The following CCT6B variants were observed in gnomAD, a reference collection of about 807,000 sequenced individuals.
CCT6B encodes probable T-complex protein 1 subunit zeta-2.
A neutral mutation model predicts 61.5 loss-of-function variants in CCT6B; 49 were observed. The ratio of observed to expected loss-of-function variants is 0.80; its 90% CI spans 0.63 to 1.01. CCT6B has a LOEUF of 1.01. Ranked by LOEUF, CCT6B falls within the 50% of genes least tolerant of loss-of-function variation. The pLI is 0.00. For missense variants in CCT6B, 666 were observed against 634.7 expected (o/e 1.05, Z -0.53); for synonymous variants, 228 against 214.5 (o/e 1.06, Z -0.55).
chr17:34,942,479 C>A lies in CCT6B; in HGVS notation c.885+5G>T. The A allele has an allele frequency of 6.3e-7, 1 of 1,582,576 alleles. No homozygotes were observed. The highest frequency in any genetic ancestry group is 8.5e-7 in the Non-Finnish European group (1 of 1,170,272). ...AATAACTAAAATCTAAACTTTCTTT[C>A]TCACCTTTTGATTAATGACGACAAA... On this transcript the variant is annotated splice_donor_5th_base_variant and intron_variant, in intron 7 of 13. Coordinates refer to ENST00000314144, the MANE Select transcript of CCT6B (RefSeq NM_006584.4).
intron 7 of CCT6B, among the ~76,000 whole-genome samples, chr17:34,941,624 T>G (rs1278691380): frequency 6.6e-6 from 1 of 152,202 alleles, no homozygotes; most frequent in Non-Finnish European, 1.5e-5. Flanking sequence ...CAAATACCCA[T>G]ATCTAGATAA....
intron 7 of CCT6B, 24 bp from the exon 8 acceptor site, chr17:34,940,645 T>C (rs752992674): frequency 1.5e-5 from 19 of 1,246,842 alleles, no homozygotes; most frequent in Non-Finnish European, 2.2e-5. Flanking sequence ...AACATAAAAA[T>C]TATAAACATG....
intron 12 of CCT6B, 26 bp downstream of exon 12, chr17:34,930,923 C>A (rs765900797): frequency 2.6e-6 from 3 of 1,158,950 alleles, no homozygotes; most frequent in Non-Finnish European, 3.9e-6. Flanking sequence ...CTTTATTAAG[C>A]AGCTAATTTT....
chr17:34,929,549 T>C (rs1468372075), intron 12 of CCT6B, among the ~76,000 whole-genome samples: 1 of 151,190 alleles, frequency 6.6e-6, no homozygotes, highest in African/African-American at 2.4e-5. Flanking sequence ...GATCTTGCTC[T>C]GTCACTCAGG....
At chr17:34,941,203 T>C (rs2090160308) in intron 7 of CCT6B, among the ~76,000 whole-genome samples, 1 of 152,232 alleles carries the variant, frequency 6.6e-6, no homozygotes, top group African/African-American at 2.4e-5. Context: ...CTATCTCACA[T>C]TAAAACACAT....
intron 10 of CCT6B, 53 bp downstream of exon 10, chr17:34,939,128 TAC>T: frequency 1.5e-6 from 2 of 1,309,394 alleles, no homozygotes; most frequent in African/African-American, 1.5e-5. Flanking sequence ...TATATATATA[TAC>T]ATATATACAC....
chr17:34,959,562 AT>A, intron 2 of CCT6B, 24 bp downstream of exon 2: 1 of 1,581,232 alleles, frequency 6.3e-7, no homozygotes, highest in Non-Finnish European at 8.7e-7. Context: ...ATTAAGGTTT[AT>A]TAAAGTCAGC....
chr17:34,942,870 A>G lies in CCT6B; in HGVS notation c.651T>C (p.Arg217=). 1 of 1,610,518 alleles carries G rather than the reference A, an allele frequency of 6.2e-7. No homozygotes were observed. Among genetic ancestry groups the G allele is most frequent in the Non-Finnish European group, 8.5e-7 (1 of 1,177,898 alleles). Residue 217 remains arginine (R), a synonymous_variant, in exon 6 of 14, where the codon CGT becomes CGC. Coordinates refer to ENST00000314144, the MANE Select transcript of CCT6B (RefSeq NM_006584.4). ...CTACTCGCTTCTTCATATCTGGATG[A>G]CGGGCACCATGATCCAAAACTAATC... ...IQGLVLDHGA[R]HPDMKKRVED...
intron 10 of CCT6B, among the ~76,000 whole-genome samples, chr17:34,938,641 G>A (rs979186488): frequency 1.3e-5 from 2 of 151,856 alleles, no homozygotes; most frequent in Admixed American, 1.3e-4. Context: ...CAAGACAAGT[G>A]GATCCCTTGA....
intron 1 of CCT6B, among the ~76,000 whole-genome samples, 187 bp downstream of exon 1, chr17:34,961,070 C>T (rs1381775108): frequency 6.6e-6 from 1 of 152,150 alleles, no homozygotes; most frequent in Non-Finnish European, 1.5e-5. Context: ...CTCCCGGGGC[C>T]CTCTACTAGG....
In CCT6B at chr17:34,932,357, G is replaced by A. The variant is rs777140128; in HGVS notation, c.1347+10C>T. On this transcript the variant is annotated intron_variant, in intron 11 of 13. Transcript: ENST00000314144. Reference sequence around the variant, plus strand: ...AAGCAGTTGTTATTTGGCCGAAAGGGTAGTTGTACCTTGGGAATAATGAGT... The same window carrying A: ...AAGCAGTTGTTATTTGGCCGAAAGGATAGTTGTACCTTGGGAATAATGAGT... 2 of 1,599,128 alleles carry A rather than the reference G, an allele frequency of 1.3e-6. No homozygotes were observed. The highest frequency in any genetic ancestry group is 1.4e-5 in the African/African-American group (1 of 74,046).
chr17:34,959,126 T>C (rs1411395724), intron 2 of CCT6B, among the ~76,000 whole-genome samples: 1 of 143,222 alleles, frequency 7.0e-6, no homozygotes, highest in Non-Finnish European at 1.5e-5. Flanking sequence ...AAAAAAACTT[T>C]TTTTTTTTTT....
chr17:34,961,412 G>T lies in CCT6B; in HGVS notation c.-19C>A. On this transcript the variant is annotated 5_prime_UTR_variant, in exon 1 of 14. Transcript: ENST00000314144. ...CAGCCATAGCCTAACCGTTCAGAGG[G>T]AGAAAAAAAAAAAGCCTTAGTCGCG... The T allele has an allele frequency of 6.4e-7, 1 of 1,572,108 alleles. No homozygotes were observed.
At chr17:34,945,439 C>A (rs1396360547) in intron 5 of CCT6B, among the ~76,000 whole-genome samples, 1 of 152,190 alleles carries the variant, frequency 6.6e-6, no homozygotes, top group South Asian at 2.1e-4. Context: ...AGAAACAGCA[C>A]CTCCACTTTT....
At position 34,956,816 on chromosome 17, in the gene CCT6B, C is replaced by A. The variant is rs143122871; in HGVS notation, c.336+1744G>T. On this transcript the variant is annotated intron_variant, in intron 3 of 13. Coordinates refer to ENST00000314144, the MANE Select transcript of CCT6B (RefSeq NM_006584.4). ...CTCCTCTCTCCTCTCTTCTCTCTCT[C>A]TCTTTCTTTTAGAGACTGGGTCTCA... is the stretch of plus-strand genomic sequence containing the variant. Among the ~76,000 whole-genome samples the A allele has an allele frequency of 2.8e-4, 43 of 152,008 alleles. 1 individual carries two copies. The East Asian group carries it at 8.1e-3, about 29-fold the overall frequency.
In CCT6B at chr17:34,946,238, T is replaced by C. The variant is rs551060801; in HGVS notation, c.615-3332A>G. ...TCCTCTCTGCAGAAAGGCAGCTTCA[T>C]TCTAGGTCTCAAATTATTTCTACCA... is the stretch of plus-strand genomic sequence containing the variant. On this transcript the variant is annotated intron_variant, in intron 5 of 13. Transcript: ENST00000314144. 2.0e-5 allele frequency among the ~76,000 whole-genome samples: 3 copies of C among 152,340 alleles called. No homozygotes were observed. The East Asian group carries it at 5.8e-4, about 29-fold the overall frequency.
intron 3 of CCT6B, among the ~76,000 whole-genome samples, chr17:34,955,034 T>C (rs1442042049): frequency 6.6e-6 from 1 of 152,220 alleles, no homozygotes; most frequent in South Asian, 2.1e-4. Context: ...GCTGACATGA[T>C]GCATTCAGTA....
chr17:34,952,407 A>G (rs1306740266), intron 4 of CCT6B, among the ~76,000 whole-genome samples: 1 of 152,308 alleles, frequency 6.6e-6, no homozygotes, highest in Admixed American at 6.5e-5. Flanking sequence ...TCTTTCTATC[A>G]TACCAAGACT....
rs201019216 is a variant in CCT6B at position 34,953,338 on chromosome 17, TA to T, written c.510+1087del. The stretch of plus-strand genomic sequence containing the variant: ...TATAAAATATATATATATATATATA[TA>T]TATTTTTTTGAGACAAAGTTTCACT... On this transcript the variant is annotated intron_variant, in intron 4 of 13. Coordinates refer to ENST00000314144, the MANE Select transcript of CCT6B (RefSeq NM_006584.4). Among the ~76,000 whole-genome samples the T allele has an allele frequency of 7.8e-3, 953 of 122,550 alleles. 12 individuals are homozygous for T. The highest frequency in any genetic ancestry group is 0.039 in the East Asian group (123 of 3,192). 80.4% of individuals were successfully genotyped at this position (122,550 alleles called of 152,430 possible).
Sources: gnomAD v4.1 joint callset for allele counts (sites outside exome capture counted in the v4.1 genomes callset) on GRCh38, gnomAD v4.1.1 for gene constraint, MANE v1.5 for transcripts, NCBI Gene and HGNC (gene_info 2026-07-23, HGNC 2026-07-21) for gene names.